Variants in MINDY4 observed in about 807,000 individuals in gnomAD.
MINDY4 encodes probable ubiquitin carboxyl-terminal hydrolase MINDY-4.
Under a neutral mutation model 87.0 loss-of-function variants are expected in MINDY4, and 68 were observed. That is an observed-to-expected ratio of 0.78 (90% confidence interval 0.64 to 0.96). The LOEUF is 0.96. MINDY4 is among the 40% of genes least tolerant of loss of function. The pLI is 0.00. For missense variants in MINDY4, 919 were observed against 928.2 expected (o/e 0.99, Z 0.13); for synonymous variants, 379 against 363.2 (o/e 1.04, Z -0.50).
intron 5 of MINDY4, among the ~76,000 whole-genome samples, chr7:30,822,101 C>T (rs985959515): frequency 6.6e-6 from 1 of 152,056 alleles, no homozygotes; most frequent in Non-Finnish European, 1.5e-5. Context: ...GTAAATATTT[C>T]AGCATGCGTC....
intron 5 of MINDY4, among the ~76,000 whole-genome samples, chr7:30,793,337 C>G (rs761210477): frequency 6.7e-6 from 1 of 150,262 alleles, no homozygotes; most frequent in Non-Finnish European, 1.5e-5. Flanking sequence ...TCTTTTTACT[C>G]GAATAACTTC....
intron 9 of MINDY4, among the ~76,000 whole-genome samples, chr7:30,842,001 G>A (rs1257454798): frequency 6.6e-6 from 1 of 152,168 alleles, no homozygotes; most frequent in African/African-American, 2.4e-5. Context: ...CACTAGGAGA[G>A]CCATCCAGCC....
rs538556268 is a variant in MINDY4 at position 30,860,592 on chromosome 7, G to T, written c.1745+1268G>T. ...GAAGCTGCACTCTCAGGAGGGCCAG[G>T]CTCAATGATGCCAGTCTCAGCGCCC... On this transcript the variant is annotated intron_variant, in intron 13 of 17. Transcript: ENST00000265299. Among the ~76,000 whole-genome samples the T allele has an allele frequency of 2.0e-5, 3 of 152,206 alleles. No individual in the cohort carries two copies. The East Asian group carries it at 5.8e-4, about 29-fold the overall frequency.
intron 4 of MINDY4, among the ~76,000 whole-genome samples, chr7:30,788,966 G>A (rs1787239010): frequency 1.3e-5 from 2 of 152,210 alleles, no homozygotes; most frequent in Admixed American, 1.3e-4. Flanking sequence ...TGGTGGTAAA[G>A]AGGGCCTTGG....
chr7:30,851,009 A>C (rs2128571052), intron 10 of MINDY4, among the ~76,000 whole-genome samples: 1 of 152,256 alleles, frequency 6.6e-6, no homozygotes, highest in East Asian at 1.9e-4. Context: ...CCATCCCATA[A>C]AGACTCAGGG....
intron 11 of MINDY4, 106 bp downstream of exon 11, chr7:30,852,385 C>A: frequency 3.2e-6 from 5 of 1,559,568 alleles, no homozygotes; most frequent in Non-Finnish European, 3.5e-6. Context: ...TGGCCTTCCG[C>A]AGCCCAGGTC....
In MINDY4 at chr7:30,892,362, C is replaced by T; in HGVS notation, c.*357C>T. 3.7e-6 allele frequency: 1 copy of T among 269,576 alleles called. No homozygotes were observed. Among genetic ancestry groups the T allele is most frequent in the Non-Finnish European group, 7.1e-6 (1 of 141,536 alleles). 16.7% of individuals were successfully genotyped at this position (269,576 alleles called of 1,614,324 possible). Reference sequence around the variant, plus strand: ...GGGACTCATTACTTCTGGTAGCTGGCTTTCTATAAAAATGGGTCAAACCCA... The same window carrying T: ...GGGACTCATTACTTCTGGTAGCTGGTTTTCTATAAAAATGGGTCAAACCCA... On this transcript the variant is annotated 3_prime_UTR_variant, in exon 18 of 18. Coordinates refer to ENST00000265299, the MANE Select transcript of MINDY4 (RefSeq NM_032222.3).
intron 17 of MINDY4, among the ~76,000 whole-genome samples, chr7:30,888,370 T>G (rs533814528): frequency 1.3e-5 from 2 of 152,150 alleles, no homozygotes; most frequent in Non-Finnish European, 2.9e-5. Context: ...CATTTCATAA[T>G]GCACACCACG....
intron 9 of MINDY4, among the ~76,000 whole-genome samples, chr7:30,842,512 A>ACCTT (rs1789072757): frequency 1.3e-5 from 2 of 151,990 alleles, no homozygotes; most frequent in Non-Finnish European, 2.9e-5. Flanking sequence ...CTACCTACCC[A>ACCTT]CCTTCCTTCC....
chr7:30,819,599 G>A (rs570760080), intron 5 of MINDY4, among the ~76,000 whole-genome samples: 2 of 152,172 alleles, frequency 1.3e-5, no homozygotes, highest in African/African-American at 2.4e-5. Flanking sequence ...TTATGCTCAC[G>A]GATTGAAGAG....
intron 5 of MINDY4, among the ~76,000 whole-genome samples, chr7:30,822,033 A>G (rs2128560994): frequency 6.6e-6 from 1 of 152,242 alleles, no homozygotes. Flanking sequence ...TTATATATAC[A>G]CGTATTTTTC....
At chr7:30,872,632 T>A (rs1297711041) in intron 14 of MINDY4, among the ~76,000 whole-genome samples, 2 of 152,200 alleles carry the variant, frequency 1.3e-5, no homozygotes, top group Non-Finnish European at 2.9e-5. Flanking sequence ...GGGAGTGATG[T>A]CTCAGGCATG....
rs551337890 is a variant in MINDY4, at chr7:30,863,002, C to T, written c.1745+3678C>T. ...GGGAGAGGCCCCTGCTGCCCCCCTC[C>T]CCAGCCTGCCAATCCAGCACCAACC... On this transcript the variant is annotated intron_variant, in intron 13 of 17. Coordinates refer to ENST00000265299, the MANE Select transcript of MINDY4 (RefSeq NM_032222.3). 2.6e-5 allele frequency among the ~76,000 whole-genome samples: 4 copies of T among 152,112 alleles called. No homozygotes were observed. The South Asian group carries it at 8.3e-4, about 32-fold the overall frequency.
Position 30,791,200 on chromosome 7 carries a change from A to G in MINDY4, c.699A>G (p.Ser233=). The G allele has an allele frequency of 6.2e-7, 1 of 1,613,834 alleles. No homozygotes were observed. The highest frequency in any genetic ancestry group is 8.5e-7 in the Non-Finnish European group (1 of 1,179,876). Residue 233 remains serine (S), a synonymous_variant, in exon 5 of 18, where the codon TCA becomes TCG. Coordinates refer to ENST00000265299, the MANE Select transcript of MINDY4 (RefSeq NM_032222.3). ...SFHRHYLRRS[S]PSSSSTQPQE... ...ACAGACACTATCTGAGACGGTCCTC[A>G]CCGTCAAGCAGCTCCACCCAACCCC... is the stretch of plus-strand genomic sequence containing the variant.
rs1259462057 is a variant in MINDY4 at position 30,782,109 on chromosome 7, A to G, written c.316A>G (p.Lys106Glu). ...PALSVPKKNNKVPSRCSETTL... is the reference protein window; with the variant it reads ...PALSVPKKNNEVPSRCSETTL... ...ACTCTCAGTTCCAAAGAAAAATAAC[A>G]AAGTGCCATCAAGATGCTCAGAGAC... The change falls in exon 3 of 18, where the codon AAA (lysine) becomes GAA (glutamate). Residue 106 changes from lysine to glutamate, a missense_variant. Coordinates refer to ENST00000265299, the MANE Select transcript of MINDY4 (RefSeq NM_032222.3). 2.5e-6 allele frequency: 4 copies of G among 1,614,040 alleles called. No individual in the cohort carries two copies. Among genetic ancestry groups the G allele is most frequent in the Non-Finnish European group, 3.4e-6 (4 of 1,180,004 alleles).
At position 30,791,544 on chromosome 7, in the gene MINDY4, A is replaced by G. The variant is rs377214150; in HGVS notation, c.1043A>G (p.Lys348Arg). The G allele has an allele frequency of 1.7e-5, 27 of 1,613,312 alleles. No individual in the cohort carries two copies. Among genetic ancestry groups the G allele is most frequent in the Non-Finnish European group, 2.1e-5 (25 of 1,179,640 alleles). Residue 348 changes from lysine (K) to arginine (R), a missense_variant, in exon 5 of 18, where the codon AAA becomes AGA. Transcript: ENST00000265299. ...MTQERLERAF[K>R]RQGSQPAPVR... ...CAGGAGAGGCTGGAAAGAGCGTTCA[A>G]ACGGCAGGGCAGCCAGCCCGCACCT...
Position 30,852,264 on chromosome 7 carries a change from T to C in MINDY4, c.1596T>C (p.Asp532=), listed in dbSNP as rs369790237. Residue 532 remains aspartate (D), a synonymous_variant, in exon 11 of 18, where the codon GAT becomes GAC. Transcript: ENST00000265299. ...QFSPTGKYKA[D]GVLETLTLHS... ...GTCCAACAGGGAAATACAAAGCAGA[T>C]GGAGTCTTAGAAACAGTACGACTTT... 49 of 1,614,062 alleles carry C rather than the reference T, an allele frequency of 3.0e-5. No homozygotes were observed. The highest frequency in any genetic ancestry group is 4.0e-5 in the Non-Finnish European group (47 of 1,180,030).
chr7:30,840,933 T>A, intron 9 of MINDY4, 85 bp downstream of exon 9: 1 of 1,187,994 alleles, frequency 8.4e-7, no homozygotes, highest in Non-Finnish European at 1.2e-6. Context: ...GAAGCATGTG[T>A]GTTCCCTGAT....
At chr7:30,821,224 T>C (rs1446876555) in intron 5 of MINDY4, among the ~76,000 whole-genome samples, 1 of 152,248 alleles carries the variant, frequency 6.6e-6, no homozygotes, top group Non-Finnish European at 1.5e-5. Flanking sequence ...TTGTCGGTTC[T>C]CATTTAGGTT....
Sources: gnomAD v4.1 joint callset for allele counts (sites outside exome capture counted in the v4.1 genomes callset) on GRCh38, gnomAD v4.1.1 for gene constraint, MANE v1.5 for transcripts, NCBI Gene and HGNC (gene_info 2026-07-23, HGNC 2026-07-21) for gene names.